The following APAF1 variants were observed in gnomAD, a reference collection of about 807,000 sequenced individuals.
The protein encoded by APAF1 is apoptotic peptidase activating factor 1, also known as apoptotic protease-activating factor 1.
APAF1 carries 91 observed loss-of-function variants against 152.4 expected under a neutral mutation model. The ratio of observed to expected loss-of-function variants is 0.60; its 90% CI spans 0.50 to 0.71. The LOEUF (loss-of-function observed/expected upper bound fraction) is 0.71, where lower values mean the gene tolerates loss of function less well. Ranked by LOEUF, APAF1 falls within the 30% of genes least tolerant of loss-of-function variation. The pLI is 0.00. For synonymous variants in APAF1, 484 were observed against 494.1 expected (o/e 0.98, Z 0.27); for missense variants, 1,283 against 1,472.0 (o/e 0.87, Z 2.10).
intron 5 of APAF1, among the ~76,000 whole-genome samples, chr12:98,661,943 T>TA (rs918501604): frequency 2.2e-4 from 33 of 151,836 alleles, no homozygotes; most frequent in Non-Finnish European, 3.5e-4. Context: ...ACAAATTGAT[T>TA]AAAAAAAACC....
chr12:98,668,619 A>T (rs2097676382), intron 10 of APAF1, among the ~76,000 whole-genome samples: 1 of 152,146 alleles, frequency 6.6e-6, no homozygotes, highest in African/African-American at 2.4e-5. Flanking sequence ...TGATTTGCTT[A>T]TGGGTTTGGT....
intron 16 of APAF1, among the ~76,000 whole-genome samples, chr12:98,691,063 T>C (rs1028053940): frequency 1.1e-4 from 17 of 152,130 alleles, no homozygotes; most frequent in South Asian, 4.2e-4. Context: ...AAAAATTAGC[T>C]GGGCGTGGTG....
rs139378273 is a variant in APAF1 at position 98,666,345 on chromosome 12, C to T, written c.1350C>T (p.Cys450=). Residue 450 remains cysteine (C), a synonymous_variant, in exon 9 of 27, where the codon TGC becomes TGT. Transcript: ENST00000551964. ...LQVDFLTEKN[C]SQLQDLHKKI... The stretch of plus-strand genomic sequence containing the variant: ...TAGATTTTCTTACAGAGAAGAATTG[C>T]AGCCAGCTTCAGGTACTTGCATCTT... 3.1e-6 allele frequency: 5 copies of T among 1,612,402 alleles called. No individual in the cohort carries two copies. The highest frequency in any genetic ancestry group is 4.2e-6 in the Non-Finnish European group (5 of 1,179,596).
At chr12:98,686,403 C>T (rs914814316) in intron 15 of APAF1, among the ~76,000 whole-genome samples, 3 of 152,120 alleles carry the variant, frequency 2.0e-5, no homozygotes, top group African/African-American at 4.8e-5. Context: ...ATTTATATTA[C>T]ATATTACTTA....
intron 24 of APAF1, 99 bp from the exon 25 acceptor site, chr12:98,725,316 G>A: frequency 2.0e-6 from 3 of 1,469,650 alleles, no homozygotes; most frequent in Non-Finnish European, 2.8e-6. Flanking sequence ...CCAGATATTA[G>A]AATGTCCATG....
At chr12:98,704,399 C>T (rs1489899082) in intron 18 of APAF1, among the ~76,000 whole-genome samples, 1 of 152,208 alleles carries the variant, frequency 6.6e-6, no homozygotes, top group Non-Finnish European at 1.5e-5. Flanking sequence ...TAGAGAAATT[C>T]ACTGGGTTCA....
rs760954769 is a variant in APAF1 at position 98,671,592 on chromosome 12, G to C, written c.1666G>C (p.Gly556Arg). ...TTTATCTTTAAATGGACACCTTCTTGGACGACAGCCATTTCCTAATATTGT... is the reference window on the plus strand; with the variant it reads ...TTTATCTTTAAATGGACACCTTCTTCGACGACAGCCATTTCCTAATATTGT... ...EFLSLNGHLL[G>R]RQPFPNIVQL... The change falls in exon 12 of 27, where the codon GGA becomes CGA. Residue 556 changes from glycine to arginine, a missense_variant. Gly to Arg is a moderately radical substitution (Grantham distance 125). Coordinates refer to ENST00000551964, the MANE Select transcript of APAF1 (RefSeq NM_181861.2). 3.1e-6 allele frequency: 5 copies of C among 1,613,784 alleles called. No homozygotes were observed. The African/African-American group carries it at 6.7e-5, about 22-fold the overall frequency.
chr12:98,704,810 C>T (rs1440280143), intron 18 of APAF1, among the ~76,000 whole-genome samples: 2 of 152,126 alleles, frequency 1.3e-5, no homozygotes, highest in Admixed American at 6.5e-5. Flanking sequence ...GACAGAGTCT[C>T]TCTCTGTCAC....
At position 98,722,905 on chromosome 12, in the gene APAF1, GT is replaced by G. The variant is rs527747561; in HGVS notation, c.3085-277del. ...TGGTGAGCTCACTGGCATATTGTGT[GT>G]TTTTTTTTTTCTATCTTCTGGTATA... is the stretch of plus-strand genomic sequence containing the variant. On this transcript the variant is annotated intron_variant, in intron 22 of 26. Transcript: ENST00000551964. 9.9e-4 allele frequency among the ~76,000 whole-genome samples: 145 copies of G among 146,624 alleles called. 1 individual carries two copies. Among genetic ancestry groups the G allele is most frequent in the African/African-American group, 2.2e-3 (87 of 40,198 alleles).
intron 19 of APAF1, 108 bp from the exon 20 acceptor site, chr12:98,708,477 C>G: frequency 8.8e-7 from 1 of 1,139,030 alleles, no homozygotes. Flanking sequence ...ATATTGAAAC[C>G]TTTCTAGCAT....
At chr12:98,651,397 A>G (rs1350756897) in intron 4 of APAF1, among the ~76,000 whole-genome samples, 1 of 152,150 alleles carries the variant, frequency 6.6e-6, no homozygotes, top group East Asian at 1.9e-4. Flanking sequence ...GGTATTTTAA[A>G]TTTGCATAGA....
intron 4 of APAF1, among the ~76,000 whole-genome samples, chr12:98,652,034 C>G (rs58689985): frequency 0.029 from 4,347 of 152,170 alleles, 202 homozygotes; most frequent in African/African-American, 0.1. Flanking sequence ...AGGTTGGTCT[C>G]GAACTCCTGA....
intron 19 of APAF1, among the ~76,000 whole-genome samples, chr12:98,707,970 G>A (rs1247095320): frequency 2.0e-5 from 3 of 151,986 alleles, no homozygotes; most frequent in Non-Finnish European, 4.4e-5. Context: ...TTTTTGAGAC[G>A]GAGTCTCGCT....
intron 16 of APAF1, among the ~76,000 whole-genome samples, chr12:98,688,470 CTTTTTT>C (rs66619012): frequency 1.0e-5 from 1 of 97,320 alleles, no homozygotes; most frequent in Admixed American, 1.1e-4. Context: ...TGTTTTCTTT[CTTTTTT>C]TTTTTTTTTT....
chr12:98,669,058 TG>T (rs1216364502), intron 10 of APAF1, among the ~76,000 whole-genome samples: 1 of 152,256 alleles, frequency 6.6e-6, no homozygotes, highest in East Asian at 1.9e-4. Flanking sequence ...TGTTGTAGTT[TG>T]TTTTTTTATC....
chr12:98,662,305 AGAG>A (rs928515323), intron 5 of APAF1, 148 bp from the exon 6 acceptor site: 2 of 639,792 alleles, frequency 3.1e-6, no homozygotes, highest in Non-Finnish European at 5.4e-6. Flanking sequence ...AGTATAGCAA[AGAG>A]GAAGAATCAT....
At chr12:98,660,054 G>C (rs987174882) in intron 5 of APAF1, among the ~76,000 whole-genome samples, 1 of 152,088 alleles carries the variant, frequency 6.6e-6, no homozygotes, top group Non-Finnish European at 1.5e-5. Flanking sequence ...ACTGATAAAT[G>C]TCAGGAAGGG....
At chr12:98,653,337 A>G (rs2097651283) in intron 4 of APAF1, among the ~76,000 whole-genome samples, 1 of 151,898 alleles carries the variant, frequency 6.6e-6, no homozygotes, top group Admixed American at 6.6e-5. Flanking sequence ...TTGGGTGGTG[A>G]TTGGCATAAA....
chr12:98,658,519 C>T (rs1311100575), intron 4 of APAF1, among the ~76,000 whole-genome samples: 4 of 152,150 alleles, frequency 2.6e-5, no homozygotes, highest in African/African-American at 9.7e-5. Flanking sequence ...ATCAATGAGA[C>T]TGAGGTTAAA....
Sources: allele counts gnomAD v4.1 joint callset (sites outside exome capture counted in the v4.1 genomes callset), GRCh38; gene constraint gnomAD v4.1.1; transcripts MANE v1.5; gene names NCBI Gene and HGNC (gene_info 2026-07-23, HGNC 2026-07-21).